EFCAB5: variants seen among roughly 807,000 people sequenced by gnomAD.
EFCAB5 encodes EF-hand calcium-binding domain-containing protein 5.
EFCAB5 carries 131 observed loss-of-function variants against 167.9 expected under a neutral mutation model. The ratio of observed to expected loss-of-function variants is 0.78; its 90% CI spans 0.68 to 0.90. The LOEUF is 0.90. Ranked by LOEUF, EFCAB5 falls within the 40% of genes least tolerant of loss-of-function variation. The pLI, the probability that EFCAB5 is intolerant of heterozygous loss-of-function variation, is 0.00. For missense variants in EFCAB5, 1,663 were observed against 1,745.2 expected, an observed-to-expected ratio of 0.95 and a Z score of 0.84; for synonymous variants, 574 against 602.8, an observed-to-expected ratio of 0.95 and a Z score of 0.70.
chr17:29,969,439 A>G (rs2067905302), intron 4 of EFCAB5, 72 bp downstream of exon 4: 1 of 1,283,316 alleles, frequency 7.8e-7, no homozygotes, highest in Admixed American at 2.9e-5. Flanking sequence ...AAATAACATA[A>G]TCATGGACAG....
intron 14 of EFCAB5, chr17:30,068,810 G>A: frequency 7.3e-7 from 1 of 1,361,020 alleles, no homozygotes; most frequent in South Asian, 1.2e-5. Context: ...TCTCACAGTG[G>A]CAAACTGAGA....
Position 30,067,077 on chromosome 17 carries a change from A to T in EFCAB5, c.2737+7376A>T, listed in dbSNP as rs138151955. On this transcript the variant is annotated intron_variant, in intron 14 of 22. Coordinates refer to ENST00000394835, the MANE Select transcript of EFCAB5 (RefSeq NM_198529.4). ...TGGCTCCACTGTGGCTTTCTACCAA[A>T]TATTTAAAGATTATCTGATATCAGT... Among the ~76,000 whole-genome samples the T allele has an allele frequency of 4.3e-3, 658 of 152,336 alleles. 5 individuals carry two copies. Among genetic ancestry groups the T allele is most frequent in the African/African-American group, 0.015 (618 of 41,568 alleles).
intron 3 of EFCAB5, among the ~76,000 whole-genome samples, chr17:29,944,311 A>T (rs1048585861): frequency 6.6e-6 from 1 of 151,772 alleles, no homozygotes; most frequent in Non-Finnish European, 1.5e-5. Flanking sequence ...GATCTCCTGG[A>T]CTCAGGCGAT....
intron 3 of EFCAB5, among the ~76,000 whole-genome samples, chr17:29,943,988 T>A (rs777183515): frequency 6.6e-6 from 1 of 151,976 alleles, no homozygotes; most frequent in East Asian, 1.9e-4. Context: ...AATAAATAAA[T>A]AAAAGAATCT....
At chr17:29,975,212 A>G (rs1313437161) in intron 4 of EFCAB5, among the ~76,000 whole-genome samples, 1 of 152,004 alleles carries the variant, frequency 6.6e-6, no homozygotes, top group Non-Finnish European at 1.5e-5. Flanking sequence ...TCTAAAACAA[A>G]AGTGATACAC....
intron 7 of EFCAB5, among the ~76,000 whole-genome samples, chr17:30,001,157 T>A (rs2068653982): frequency 6.6e-6 from 1 of 152,218 alleles, no homozygotes; most frequent in Non-Finnish European, 1.5e-5. Flanking sequence ...TGGCCCTGCA[T>A]GGTGTGGCAT....
intron 7 of EFCAB5, among the ~76,000 whole-genome samples, chr17:30,022,259 G>A (rs1279859501): frequency 6.6e-6 from 1 of 152,112 alleles, no homozygotes. Flanking sequence ...ATAATGCATT[G>A]TTGTATGGGA....
At chr17:30,029,148 A>C (rs2069409934) in intron 7 of EFCAB5, among the ~76,000 whole-genome samples, 1 of 152,190 alleles carries the variant, frequency 6.6e-6, no homozygotes, top group Admixed American at 6.5e-5. Flanking sequence ...GTTTTGAAAA[A>C]TCAGAAGAGT....
At chr17:30,089,719 C>A (rs1339009291) in intron 19 of EFCAB5, among the ~76,000 whole-genome samples, 3 of 152,108 alleles carry the variant, frequency 2.0e-5, no homozygotes, top group African/African-American at 7.2e-5. Flanking sequence ...CCAGGAGTTA[C>A]CTAAGAGATG....
rs1236207903 is a variant in EFCAB5, at chr17:29,999,951, G to T, written c.1019G>T (p.Arg340Ile). Reference protein sequence around the residue: ...QLDITDSTEPRLNKMEFTEYI... With the variant: ...QLDITDSTEPILNKMEFTEYI... ...GATATTACTGACTCAACAGAACCAA[G>T]ATTGAACAAAATGGAATTTACAGAA... is the stretch of plus-strand genomic sequence containing the variant. Residue 340 changes from arginine (R) to isoleucine (I), a missense_variant, in exon 7 of 23, where the codon AGA becomes ATA. Physicochemically the swap from Arg to Ile is moderately conservative, Grantham distance 97 (BLOSUM62 -3). Coordinates refer to ENST00000394835, the MANE Select transcript of EFCAB5 (RefSeq NM_198529.4). 2 of 1,580,734 alleles carry T rather than the reference G, an allele frequency of 1.3e-6. No individual in the cohort carries two copies. The highest frequency in any genetic ancestry group is 1.3e-5 in the African/African-American group (1 of 74,354).
intron 17 of EFCAB5, 59 bp downstream of exon 17, chr17:30,081,040 T>A: frequency 7.3e-7 from 1 of 1,374,600 alleles, no homozygotes; most frequent in Non-Finnish European, 1.0e-6. Context: ...TAATACTTTT[T>A]AAAGAGTGAA....
intron 8 of EFCAB5, 126 bp downstream of exon 8, chr17:30,034,511 C>G: frequency 3.5e-6 from 4 of 1,132,912 alleles, no homozygotes; most frequent in Non-Finnish European, 4.9e-6. Flanking sequence ...CCAGCCTGGA[C>G]AACATGGTGA....
intron 4 of EFCAB5, among the ~76,000 whole-genome samples, chr17:29,986,637 A>ATTTTTTTTTTTTTTTT (rs911310972): frequency 6.9e-5 from 4 of 58,082 alleles, no homozygotes; most frequent in African/African-American, 1.4e-4. Flanking sequence ...GAGTATATTC[A>ATTTTTTTTTTTTTTTT]TTTTTTTTTT....
intron 1 of EFCAB5, among the ~76,000 whole-genome samples, chr17:29,931,492 A>G (rs2067194053): frequency 2.0e-5 from 3 of 152,170 alleles, no homozygotes; most frequent in Non-Finnish European, 1.5e-5. Flanking sequence ...GTACAGTCCT[A>G]TGTAGAGTGT....
At chr17:30,021,399 C>T (rs1396912701) in intron 7 of EFCAB5, among the ~76,000 whole-genome samples, 1 of 145,406 alleles carries the variant, frequency 6.9e-6, no homozygotes, top group Admixed American at 6.9e-5. Context: ...AAAATATGAG[C>T]ATGTATTTGT....
chr17:30,055,802 A>C, intron 10 of EFCAB5, 86 bp from the exon 11 acceptor site: 1 of 1,399,812 alleles, frequency 7.1e-7, no homozygotes, highest in Non-Finnish European at 9.8e-7. Flanking sequence ...TCTATATGCA[A>C]TGCATTTCTA....
intron 4 of EFCAB5, among the ~76,000 whole-genome samples, chr17:29,979,243 G>C (rs747019950): frequency 9.9e-5 from 15 of 152,122 alleles, no homozygotes; most frequent in Non-Finnish European, 1.8e-4. Context: ...CCAGCTACTC[G>C]AGAGTGGGAG....
At chr17:29,991,442 A>G (rs940167029) in intron 4 of EFCAB5, among the ~76,000 whole-genome samples, 3 of 152,256 alleles carry the variant, frequency 2.0e-5, no homozygotes, top group Admixed American at 1.3e-4. Flanking sequence ...CATTGTTTCT[A>G]TAGATTATAG....
Position 30,087,263 on chromosome 17 carries a change from G to A in EFCAB5, c.3683+97G>A, listed in dbSNP as rs747346206. On this transcript the variant is annotated intron_variant, in intron 19 of 22. Coordinates refer to ENST00000394835, the MANE Select transcript of EFCAB5 (RefSeq NM_198529.4). ...CAGCTTCTGACTCTTGCTCATACAC[G>A]CTGACTTTTATTCTTTCTTTTTAAT... is the stretch of plus-strand genomic sequence containing the variant. The A allele has an allele frequency of 2.4e-5, 22 of 901,214 alleles. 1 individual carries two copies. The highest frequency in any genetic ancestry group is 1.2e-4 in the South Asian group (7 of 59,828). 55.8% of individuals were successfully genotyped at this position (901,214 alleles called of 1,614,324 possible). A position where few individuals can be genotyped will look rare whatever the true frequency, so the allele number is the denominator to read the frequency against.
Sources: allele counts gnomAD v4.1 joint callset (sites outside exome capture counted in the v4.1 genomes callset), GRCh38; gene constraint gnomAD v4.1.1; transcripts MANE v1.5; gene names NCBI Gene and HGNC (gene_info 2026-07-23, HGNC 2026-07-21).